The following SLC4A1AP variants were observed in gnomAD, a reference collection of about 807,000 sequenced individuals.
The protein encoded by SLC4A1AP is solute carrier family 4 member 1 adaptor protein, also known as kanadaptin.
SLC4A1AP carries 64 observed loss-of-function variants against 89.7 expected under a neutral mutation model. That is an observed-to-expected ratio of 0.71 (90% CI 0.58 to 0.88). The LOEUF (loss-of-function observed/expected upper bound fraction) is 0.88, where lower values mean the gene tolerates loss of function less well. Ranked by LOEUF, SLC4A1AP falls within the 40% of genes least tolerant of loss-of-function variation. The pLI is 0.00. For synonymous variants in SLC4A1AP, 366 were observed against 353.3 expected, an observed-to-expected ratio of 1.04 and a Z score of -0.40; for missense variants, 931 against 965.0, an observed-to-expected ratio of 0.96 and a Z score of 0.47.
chr2:27,684,924 A>C, intron 9 of SLC4A1AP, 113 bp from the exon 10 acceptor site: 1 of 1,288,618 alleles, frequency 7.8e-7, no homozygotes, highest in Non-Finnish European at 1.1e-6. Flanking sequence ...TGTGGAGTTC[A>C]TCAACCTAAA....
exon 1 of SLC4A1AP, chr2:27,663,923 C>T: frequency 1.2e-6 from 2 of 1,614,160 alleles, no homozygotes; most frequent in Middle Eastern, 1.6e-4. Context: ...GGATGGCTGA[C>T]ATTCTCTCTC....
chr2:27,668,649 C>T, intron 3 of SLC4A1AP, 194 bp from the exon 4 acceptor site: 3 of 695,688 alleles, frequency 4.3e-6, no homozygotes, highest in Non-Finnish European at 2.6e-6. Flanking sequence ...GGGGTTTTGC[C>T]ATGTTGCACA....
At chr2:27,677,653 A>T in intron 7 of SLC4A1AP, 85 bp from the exon 8 acceptor site, 2 of 1,125,462 alleles carry the variant, frequency 1.8e-6, no homozygotes, top group East Asian at 2.4e-5. Context: ...GTTTTATGTT[A>T]GTGACTTTTA....
intron 3 of SLC4A1AP, 72 bp from the exon 4 acceptor site, chr2:27,668,771 C>CTT: frequency 1.5e-6 from 2 of 1,357,930 alleles, no homozygotes; most frequent in South Asian, 2.3e-5. Context: ...AACGTTTGTT[C>CTT]TCATTTATCA....
exon 12 of SLC4A1AP, chr2:27,688,714 T>A: frequency 6.2e-7 from 1 of 1,600,982 alleles, no homozygotes; most frequent in Non-Finnish European, 8.5e-7. Context: ...AAAGAATGAA[T>A]ATGAGAAAAG....
At chr2:27,671,137 G>T (rs1214419132) in intron 5 of SLC4A1AP, among the ~76,000 whole-genome samples, 2 of 151,774 alleles carry the variant, frequency 1.3e-5, no homozygotes, top group African/African-American at 2.4e-5. Flanking sequence ...TGGCCAGGCT[G>T]GTGTCGAACT....
exon 9 of SLC4A1AP, chr2:27,682,269 T>C: frequency 6.2e-7 from 1 of 1,613,250 alleles, no homozygotes; most frequent in Non-Finnish European, 8.5e-7. Context: ...AGACTACAGG[T>C]GCAGAAAACA....
intron 2 of SLC4A1AP, among the ~76,000 whole-genome samples, chr2:27,666,452 G>A (rs1396391917): frequency 6.7e-6 from 1 of 149,450 alleles, no homozygotes; most frequent in African/African-American, 2.5e-5. Flanking sequence ...ATGAGCATAA[G>A]GATTTTGAGC....
Position 27,669,243 on chromosome 2 carries a change from T to C in SLC4A1AP, c.1206-5T>C. ...TGTGCTATAATTCCCACCAAATCAA[T>C]GAAGATTACCTGTGGACGATTCAAC... On this transcript the variant is annotated splice_region_variant and splice_polypyrimidine_tract_variant and intron_variant, in intron 4 of 13. Transcript: ENST00000613058. The C allele has an allele frequency of 6.2e-7, 1 of 1,600,280 alleles. No homozygotes were observed. The highest frequency in any genetic ancestry group is 1.4e-5 in the African/African-American group (1 of 73,964).
chr2:27,673,956 A>C (rs901327412), intron 5 of SLC4A1AP, among the ~76,000 whole-genome samples: 1 of 151,970 alleles, frequency 6.6e-6, no homozygotes, highest in Admixed American at 6.6e-5. Context: ...TAGTACTACC[A>C]AAGTAGACTC....
intron 8 of SLC4A1AP, among the ~76,000 whole-genome samples, chr2:27,681,479 A>G (rs1166938754): frequency 6.6e-6 from 1 of 152,166 alleles, no homozygotes; most frequent in Non-Finnish European, 1.5e-5. Context: ...CCCATGGTCA[A>G]TATGAAGAAA....
At chr2:27,665,434 C>G (rs986275830) in intron 2 of SLC4A1AP, 139 bp downstream of exon 2, 1 of 592,696 alleles carries the variant, frequency 1.7e-6, no homozygotes, top group African/African-American at 1.9e-5. Flanking sequence ...CATGAGGTAA[C>G]CAAAACCCAG....
chr2:27,687,893 A>C (rs767589908), intron 10 of SLC4A1AP, 41 bp from the exon 11 acceptor site: 2 of 1,488,268 alleles, frequency 1.3e-6, no homozygotes, highest in Non-Finnish European at 1.9e-6. Flanking sequence ...TTCCACCATG[A>C]ATTAAATCAT....
At chr2:27,670,710 A>G (rs1022619123) in intron 5 of SLC4A1AP, among the ~76,000 whole-genome samples, 9 of 151,514 alleles carry the variant, frequency 5.9e-5, no homozygotes, top group Non-Finnish European at 1.3e-4. Context: ...CAAAAAAAAA[A>G]ATCAGTTGGG....
At chr2:27,682,403 T>A in intron 9 of SLC4A1AP, 44 bp downstream of exon 9, 2 of 1,195,836 alleles carry the variant, frequency 1.7e-6, no homozygotes, top group South Asian at 2.6e-5. Context: ...CCTTGAGTTA[T>A]CCCTGAGCTA....
intron 8 of SLC4A1AP, among the ~76,000 whole-genome samples, chr2:27,678,746 T>G (rs1675564949): frequency 6.7e-6 from 1 of 148,200 alleles, no homozygotes. Flanking sequence ...TGAGATAGGG[T>G]CTCACTGTGT....
chr2:27,682,363 A>G lies in SLC4A1AP; in HGVS notation c.1875+4A>G. ...ATTAAAAACTGGAACAGTAGGGGTA[A>G]GTTGTGAGTCAGGGTGTTAAACTTT... On this transcript the variant is annotated splice_donor_region_variant and intron_variant, in intron 9 of 13. Transcript: ENST00000613058. The G allele has an allele frequency of 6.3e-7, 1 of 1,579,812 alleles. No homozygotes were observed. The highest frequency in any genetic ancestry group is 8.7e-7 in the Non-Finnish European group (1 of 1,150,222).
chr2:27,664,238 T>G, exon 1 of SLC4A1AP: 1 of 1,614,148 alleles, frequency 6.2e-7, no homozygotes, highest in South Asian at 1.1e-5. Flanking sequence ...GGGGTGGCCC[T>G]GCCACAGCCC....
intron 8 of SLC4A1AP, among the ~76,000 whole-genome samples, chr2:27,681,794 A>T (rs544491229): frequency 6.6e-6 from 1 of 152,074 alleles, no homozygotes; most frequent in South Asian, 2.1e-4. Context: ...GGTATCCTGC[A>T]TACTGTACCC....
Sources: allele counts gnomAD v4.1 joint callset (sites outside exome capture counted in the v4.1 genomes callset), GRCh38; gene constraint gnomAD v4.1.1; transcripts MANE v1.5; gene names NCBI Gene and HGNC (gene_info 2026-07-23, HGNC 2026-07-21).